The following CELF4 variants were observed in gnomAD, a reference collection of about 807,000 sequenced individuals.
CELF4 encodes the protein CUG-BP- and ETR-3-like factor 4.
Under a neutral mutation model 59.9 loss-of-function variants are expected in CELF4, and 18 were observed. The ratio of observed to expected loss-of-function variants is 0.30; its 90% CI spans 0.21 to 0.45. The LOEUF (loss-of-function observed/expected upper bound fraction) is 0.45. CELF4 is among the 20% of genes least tolerant of loss of function. The pLI is 1.00. For synonymous variants in CELF4, 261 were observed against 267.1 expected, an observed-to-expected ratio of 0.98 and a Z score of 0.22; for missense variants, 456 against 689.0, an observed-to-expected ratio of 0.66 and a Z score of 3.79.
intron 3 of CELF4, among the ~76,000 whole-genome samples, chr18:37,298,308 C>T (rs982750436): frequency 6.6e-6 from 1 of 152,220 alleles, no homozygotes; most frequent in African/African-American, 2.4e-5. Flanking sequence ...TCCACCTCTC[C>T]TGTGTGACTG....
intron 2 of CELF4, among the ~76,000 whole-genome samples, chr18:37,458,332 G>A (rs1196607814): frequency 1.3e-5 from 2 of 152,204 alleles, no homozygotes; most frequent in Non-Finnish European, 2.9e-5. Flanking sequence ...TCTTGCCTCT[G>A]GGAGTTTTCT....
At chr18:37,428,850 T>C (rs1377522291) in intron 2 of CELF4, among the ~76,000 whole-genome samples, 1 of 152,162 alleles carries the variant, frequency 6.6e-6, no homozygotes, top group Non-Finnish European at 1.5e-5. Context: ...GAACAGGCCT[T>C]CTTTATTTCT....
intron 1 of CELF4, among the ~76,000 whole-genome samples, chr18:37,494,941 AGGT>A (rs2099923411): frequency 6.6e-6 from 1 of 152,150 alleles, no homozygotes; most frequent in African/African-American, 2.4e-5. Flanking sequence ...GAGTCAGCTG[AGGT>A]GGTGCCTGTC....
At chr18:37,272,361 A>C (rs2091652008) in intron 7 of CELF4, among the ~76,000 whole-genome samples, 1 of 152,174 alleles carries the variant, frequency 6.6e-6, no homozygotes, top group South Asian at 2.1e-4. Context: ...ATGTCTCCAG[A>C]CATTGCCAGA....
chr18:37,323,755 C>T (rs1396833863), intron 2 of CELF4, among the ~76,000 whole-genome samples: 3 of 152,172 alleles, frequency 2.0e-5, no homozygotes, highest in Non-Finnish European at 4.4e-5. Flanking sequence ...AGCTTTTCTG[C>T]TTATGTAATT....
chr18:37,349,735 T>TAG (rs2098399359), intron 2 of CELF4, among the ~76,000 whole-genome samples: 1 of 152,116 alleles, frequency 6.6e-6, no homozygotes, highest in African/African-American at 2.4e-5. Context: ...GGATGTGCTC[T>TAG]AGGGTGGCTG....
At chr18:37,424,280 T>C (rs570612712) in intron 2 of CELF4, among the ~76,000 whole-genome samples, 1 of 152,118 alleles carries the variant, frequency 6.6e-6, no homozygotes, top group Non-Finnish European at 1.5e-5. Context: ...AAGATCTCTA[T>C]GCAGGCGTAT....
intron 1 of CELF4, among the ~76,000 whole-genome samples, chr18:37,531,804 C>A (rs1378452168): frequency 2.0e-5 from 3 of 152,218 alleles, no homozygotes; most frequent in South Asian, 4.2e-4. Flanking sequence ...ACCTCTAGCA[C>A]CCTGAGATCC....
At chr18:37,314,371 C>T (rs1473192753) in intron 3 of CELF4, among the ~76,000 whole-genome samples, 1 of 152,142 alleles carries the variant, frequency 6.6e-6, no homozygotes, top group Non-Finnish European at 1.5e-5. Context: ...AGGAGGATCG[C>T]TTAAACCTGG....
chr18:37,319,544 C>T (rs1410009254), intron 3 of CELF4, among the ~76,000 whole-genome samples: 1 of 152,182 alleles, frequency 6.6e-6, no homozygotes, highest in East Asian at 1.9e-4. Context: ...CAGTGCCCTG[C>T]TGGGGCTGGA....
At chr18:37,348,626 G>T (rs1327533376) in intron 2 of CELF4, among the ~76,000 whole-genome samples, 1 of 152,020 alleles carries the variant, frequency 6.6e-6, no homozygotes, top group Non-Finnish European at 1.5e-5. Context: ...ACGGTGGGGG[G>T]ATGGGAGCAA....
rs140563834 is a variant in CELF4, at chr18:37,436,236, G to A, written c.369+49289C>T. Among the ~76,000 whole-genome samples, 700 of 152,276 alleles carry A rather than the reference G, an allele frequency of 4.6e-3. 2 individuals are homozygous for A. The highest frequency in any genetic ancestry group is 7.6e-3 in the Non-Finnish European group (519 of 68,022). ...GCTCAACTCTCCAGCACTGTATACC[G>A]ATACGTTTGTTTAAGACGGTAACCA... On this transcript the variant is annotated intron_variant, in intron 2 of 12. Coordinates refer to ENST00000420428, the MANE Select transcript of CELF4 (RefSeq NM_020180.4).
At chr18:37,401,990 C>T (rs2099330750) in intron 2 of CELF4, among the ~76,000 whole-genome samples, 1 of 152,204 alleles carries the variant, frequency 6.6e-6, no homozygotes, top group Non-Finnish European at 1.5e-5. Flanking sequence ...TTGGGGCTGT[C>T]TGCCTTTAAA....
chr18:37,449,196 A>T (rs2099756339), intron 2 of CELF4, among the ~76,000 whole-genome samples: 1 of 152,148 alleles, frequency 6.6e-6, no homozygotes, highest in African/African-American at 2.4e-5. Flanking sequence ...GGCTGCAAGG[A>T]GGAGGAGGCA....
At chr18:37,320,373 G>T (rs899543527) in intron 3 of CELF4, among the ~76,000 whole-genome samples, 1 of 147,766 alleles carries the variant, frequency 6.8e-6, no homozygotes, top group East Asian at 2.0e-4. Flanking sequence ...AACTCCTTAC[G>T]CTCCCCTTGG....
intron 2 of CELF4, among the ~76,000 whole-genome samples, chr18:37,399,309 A>G (rs1213952374): frequency 5.3e-5 from 8 of 152,110 alleles, no homozygotes; most frequent in Non-Finnish European, 1.2e-4. Flanking sequence ...GGTTCCTGAT[A>G]AAAAGAATGA....
At chr18:37,305,188 T>C (rs2096315707) in intron 3 of CELF4, 1 of 152,242 alleles carries the variant, frequency 6.6e-6, no homozygotes, top group South Asian at 2.1e-4. Flanking sequence ...GGGTAATTTA[T>C]TCAAATTGCG....
At chr18:37,449,256 A>T (rs2099756497) in intron 2 of CELF4, among the ~76,000 whole-genome samples, 1 of 152,168 alleles carries the variant, frequency 6.6e-6, no homozygotes, top group Non-Finnish European at 1.5e-5. Context: ...GAAGGATGTC[A>T]TCCTAAGGGA....
At position 37,406,088 on chromosome 18, in the gene CELF4, A is replaced by C. The variant is rs2099387328; in HGVS notation, c.369+79437T>G. Among the ~76,000 whole-genome samples the C allele has an allele frequency of 2.0e-5, 3 of 152,110 alleles. No homozygotes were observed. In the South Asian group the frequency reaches 6.2e-4, roughly 32 times the overall value. ...ATAGAAGACGCAGGTTCGCTGGAGA[A>C]ACTGCCTCGCTGAGTTGTTTCATAG... On this transcript the variant is annotated intron_variant, in intron 2 of 12. Coordinates refer to ENST00000420428, the MANE Select transcript of CELF4 (RefSeq NM_020180.4).
Sources: allele counts gnomAD v4.1 joint callset (sites outside exome capture counted in the v4.1 genomes callset), GRCh38; gene constraint gnomAD v4.1.1; transcripts MANE v1.5; gene names NCBI Gene and HGNC (gene_info 2026-07-23, HGNC 2026-07-21).